Variants in NAP1L4 observed in about 807,000 individuals in gnomAD.
The protein encoded by NAP1L4 is nucleosome assembly protein 1 like 4.
Under a neutral mutation model 58.2 loss-of-function variants are expected in NAP1L4, and 15 were observed. The ratio of observed to expected loss-of-function variants is 0.26; its 90% CI spans 0.17 to 0.40. NAP1L4 has a LOEUF of 0.40. Ranked by LOEUF, NAP1L4 falls within the 10% of genes least tolerant of loss-of-function variation. NAP1L4 has a pLI of 1.00. For missense variants in NAP1L4, 384 were observed against 451.1 expected, an observed-to-expected ratio of 0.85 and a Z score of 1.35; for synonymous variants, 171 against 155.6, an observed-to-expected ratio of 1.10 and a Z score of -0.74.
At chr11:2,986,276 A>G (rs1848610400) in intron 1 of NAP1L4, among the ~76,000 whole-genome samples, 1 of 151,806 alleles carries the variant, frequency 6.6e-6, no homozygotes, top group South Asian at 2.1e-4. Context: ...CAGGAGGCTG[A>G]GGCAGGAGAA....
chr11:2,974,709 A>G (rs1340605784), intron 4 of NAP1L4, among the ~76,000 whole-genome samples: 1 of 152,216 alleles, frequency 6.6e-6, no homozygotes, highest in African/African-American at 2.4e-5. Flanking sequence ...CAGCCTGGCC[A>G]ACATGGCAAA....
At chr11:2,969,574 C>T (rs1302024038) in intron 7 of NAP1L4, among the ~76,000 whole-genome samples, 4 of 152,256 alleles carry the variant, frequency 2.6e-5, no homozygotes, top group Middle Eastern at 3.4e-3. Flanking sequence ...CAGGCTGAAG[C>T]GCCCAGCTTT....
intron 6 of NAP1L4, among the ~76,000 whole-genome samples, chr11:2,970,139 C>T (rs931986412): frequency 6.6e-6 from 1 of 152,106 alleles, no homozygotes; most frequent in Non-Finnish European, 1.5e-5. Flanking sequence ...TACATCCACA[C>T]GGAATTCCGT....
At chr11:2,972,873 A>T (rs984250201) in intron 4 of NAP1L4, among the ~76,000 whole-genome samples, 1 of 152,162 alleles carries the variant, frequency 6.6e-6, no homozygotes, top group African/African-American at 2.4e-5. Flanking sequence ...CAGGAGGCTG[A>T]GGTGGGAGGA....
intron 1 of NAP1L4, chr11:2,983,757 A>C (rs1173622664): frequency 6.6e-6 from 1 of 152,142 alleles, no homozygotes; most frequent in Non-Finnish European, 1.5e-5. Flanking sequence ...CCTATCACAG[A>C]TCACCTGAAG....
intron 8 of NAP1L4, among the ~76,000 whole-genome samples, chr11:2,962,824 G>A (rs182854900): frequency 1.3e-4 from 20 of 152,134 alleles, no homozygotes; most frequent in African/African-American, 2.9e-4. Context: ...AAAAGAGGCC[G>A]GGTGTGGTGG....
chr11:2,987,069 A>T (rs1246398120), intron 1 of NAP1L4, among the ~76,000 whole-genome samples: 1 of 152,150 alleles, frequency 6.6e-6, no homozygotes, highest in Non-Finnish European at 1.5e-5. Context: ...AGATTAGGAC[A>T]TCAGAAAGGA....
At chr11:2,970,878 G>T (rs1435802624) in intron 6 of NAP1L4, among the ~76,000 whole-genome samples, 3 of 145,562 alleles carry the variant, frequency 2.1e-5, no homozygotes, top group Non-Finnish European at 4.5e-5. Flanking sequence ...ACTGCAAAAA[G>T]TTAGTTATAG....
At chr11:2,984,441 C>T (rs1848510057) in intron 1 of NAP1L4, among the ~76,000 whole-genome samples, 1 of 151,914 alleles carries the variant, frequency 6.6e-6, no homozygotes, top group Non-Finnish European at 1.5e-5. Context: ...CATGGTGGCG[C>T]ATGCCTGTAA....
chr11:2,969,731 T>C, intron 7 of NAP1L4, 72 bp downstream of exon 7: 19 of 1,522,290 alleles, frequency 1.2e-5, no homozygotes, highest in Non-Finnish European at 1.6e-5. Context: ...GTGTAGTGCT[T>C]AAAAAATGCC....
rs3216309 is a variant in NAP1L4, at chr11:2,955,362, A to AT, written c.915+381dup. ...CAGGCGCTGCCACCGTGTCCAACTA[A>AT]TTTTTTTTTTTTTTGGTATTTTAAG... On this transcript the variant is annotated intron_variant, in intron 11 of 15. Transcript: ENST00000380542. This position sits in a 1 kb window ranked among gnomAD's most constrained non-coding sequence, Gnocchi z 4.2. Among the ~76,000 whole-genome samples, 12,974 of 144,042 alleles carry AT rather than the reference A, an allele frequency of 0.09. 1,709 individuals are homozygous for AT. Among genetic ancestry groups the AT allele is most frequent in the African/African-American group, 0.3 (11,766 of 39,528 alleles). The allele number at this position is 144,042 out of a possible 152,430, so 94.5% of individuals were successfully genotyped here. A position where few individuals can be genotyped will look rare whatever the true frequency, so the allele number is the denominator to read the frequency against.
intron 1 of NAP1L4, among the ~76,000 whole-genome samples, chr11:2,980,281 G>A (rs373979915): frequency 6.6e-6 from 1 of 152,222 alleles, no homozygotes; most frequent in East Asian, 1.9e-4. Context: ...TCAACTTACT[G>A]GGCTCAAGCA....
chr11:2,948,631 T>A lies in NAP1L4; in HGVS notation c.*32+596A>T, dbSNP rs930542172. Among the ~76,000 whole-genome samples, 1 of 152,250 alleles carries A rather than the reference T, an allele frequency of 6.6e-6. No homozygotes were observed. Among genetic ancestry groups the A allele is most frequent in the East Asian group, 1.9e-4 (1 of 5,202 alleles). On this transcript the variant is annotated intron_variant, in intron 15 of 15. Coordinates refer to ENST00000380542, the MANE Select transcript of NAP1L4 (RefSeq NM_005969.4). This position sits in a 1 kb window ranked among gnomAD's most constrained non-coding sequence, Gnocchi z 5.1. ...TCATCTACAACTGGTTCTTGCTTCATTCAACTAGCACCAACCTCACAACAG... is the reference window on the plus strand; with the variant it reads ...TCATCTACAACTGGTTCTTGCTTCAATCAACTAGCACCAACCTCACAACAG...
intron 4 of NAP1L4, 47 bp downstream of exon 4, chr11:2,975,977 C>G (rs750154029): frequency 3.3e-6 from 5 of 1,516,362 alleles, no homozygotes; most frequent in Non-Finnish European, 4.5e-6. Flanking sequence ...CTTTATTTTC[C>G]TTTTGTTTCT....
chr11:2,987,985 A>G (rs1848744836), intron 1 of NAP1L4: 1 of 152,144 alleles, frequency 6.6e-6, no homozygotes. Context: ...CCGGGACTGC[A>G]TGCACACATC....
At chr11:2,976,200 T>C (rs1847948403) in intron 3 of NAP1L4, 77 bp from the exon 4 acceptor site, 2 of 1,049,052 alleles carry the variant, frequency 1.9e-6, no homozygotes, top group Admixed American at 2.3e-5. Flanking sequence ...ATTAGTAACA[T>C]ATCTACTTAG....
rs1373844944 is a variant in NAP1L4 at position 2,971,523 on chromosome 11, A to G, written c.327T>C (p.Phe109=). Residue 109 remains phenylalanine (F), a synonymous_variant, in exon 6 of 16, where the codon TTT becomes TTC. Transcript: ENST00000380542. This position sits in a 1 kb window ranked among gnomAD's most constrained non-coding sequence, Gnocchi z 4.2. ...YQPLFDKRRE[F]ITGDVEPTDA... ...CTGTTGGTTCAACATCGCCGGTGAT[A>G]AATTCTCTTCTCTACATAAAAATGA... The G allele has an allele frequency of 3.1e-6, 5 of 1,613,518 alleles. No homozygotes were observed. The highest frequency in any genetic ancestry group is 4.2e-6 in the Non-Finnish European group (5 of 1,179,936).
intron 7 of NAP1L4, among the ~76,000 whole-genome samples, chr11:2,967,391 T>C (rs148863196): frequency 0.017 from 2,620 of 152,200 alleles, 83 homozygotes; most frequent in African/African-American, 0.06. Context: ...GGCAGGCGGA[T>C]GATGAGGTCA....
At chr11:2,991,702 A>G (rs1343070328) in intron 1 of NAP1L4, 1 of 152,704 alleles carries the variant, frequency 6.5e-6, no homozygotes, top group Non-Finnish European at 1.5e-5. Context: ...CAGTTAGCCC[A>G]GCCTGACCCC....
Sources: allele counts gnomAD v4.1 joint callset (sites outside exome capture counted in the v4.1 genomes callset), GRCh38; gene constraint gnomAD v4.1.1; non-coding constraint Gnocchi (gnomAD v3.1); transcripts MANE v1.5; gene names NCBI Gene and HGNC (gene_info 2026-07-23, HGNC 2026-07-21).